The following COL10A1 variants were observed in gnomAD, a reference collection of about 807,000 sequenced individuals.
COL10A1 encodes collagen alpha-1(X) chain.
In COL10A1, 10 loss-of-function variants were observed where a neutral mutation model predicts 18.2. The ratio of observed to expected loss-of-function variants is 0.55; its 90% confidence interval spans 0.34 to 0.93. The LOEUF (loss-of-function observed/expected upper bound fraction) is 0.93. Ranked by LOEUF, COL10A1 falls within the 40% of genes least tolerant of loss-of-function variation. COL10A1 has a pLI of 0.02. For synonymous variants in COL10A1, 330 were observed against 316.6 expected, an observed-to-expected ratio of 1.04 and a Z score of -0.45; for missense variants, 897 against 853.5, an observed-to-expected ratio of 1.05 and a Z score of -0.64.
At chr6:116,178,377 T>G in the COL10A1 span, among the ~76,000 whole-genome samples, 112 of 152,318 alleles carry the variant, frequency 7.4e-4, no homozygotes, top group African/African-American at 2.6e-3. Context: ...GAAGTCAGCC[T>G]TTCTTGATTC....
chr6:116,121,241 G>A lies in COL10A1; in HGVS notation c.875C>T (p.Pro292Leu), dbSNP rs1562124007. 6.2e-7 allele frequency: 1 copy of A among 1,613,782 alleles called. No homozygotes were observed. The highest frequency in any genetic ancestry group is 8.5e-7 in the Non-Finnish European group (1 of 1,179,876). The change falls in exon 3 of 3, where the codon CCC (proline) becomes CTC (leucine). Residue 292 changes from proline (P) to leucine (L), a missense_variant. Physicochemically the swap from Pro to Leu is moderately conservative, Grantham distance 98. Coordinates refer to ENST00000651968, the MANE Select transcript of COL10A1 (RefSeq NM_000493.4). ...GLPGAPGIAG[P>L]PGPPGFGKPG... ...TTTCCCAAAGCCAGGAGGCCCTGGG[G>A]GCCCAGCTATTCCTGGAGCCCCAGG...
chr6:116,137,005 A>C (rs371529630), intron 1 of COL10A1: 55 of 169,536 alleles, frequency 3.2e-4, no homozygotes, highest in African/African-American at 1.3e-3. Flanking sequence ...CAAACACAGG[A>C]AACAAAGCTG....
the COL10A1 span, among the ~76,000 whole-genome samples, chr6:116,183,326 C>T: frequency 6.6e-6 from 1 of 151,928 alleles, no homozygotes; most frequent in African/African-American, 2.4e-5. Context: ...CAGATTTGTT[C>T]TTTTTGCTTA....
At chr6:116,142,711 T>A (rs1236058096) in intron 1 of COL10A1, among the ~76,000 whole-genome samples, 1 of 152,190 alleles carries the variant, frequency 6.6e-6, no homozygotes, top group Non-Finnish European at 1.5e-5. Flanking sequence ...ATATTAATAG[T>A]GTTCTTCCAA....
chr6:116,155,638 A>G (rs992121939), intron 1 of COL10A1, among the ~76,000 whole-genome samples: 1 of 152,072 alleles, frequency 6.6e-6, no homozygotes, highest in Non-Finnish European at 1.5e-5. Flanking sequence ...AGGTTACTCC[A>G]TTACAACATA....
the COL10A1 span, among the ~76,000 whole-genome samples, chr6:116,176,817 A>G: frequency 6.6e-6 from 1 of 152,186 alleles, no homozygotes; most frequent in South Asian, 2.1e-4. Flanking sequence ...CTAGAGGGAC[A>G]GATACATCCC....
At chr6:116,134,219 CAG>C (rs1430168665) in intron 1 of COL10A1, among the ~76,000 whole-genome samples, 1 of 152,158 alleles carries the variant, frequency 6.6e-6, no homozygotes, top group East Asian at 1.9e-4. Flanking sequence ...AAATAATTGT[CAG>C]ACTTTTTCTG....
chr6:116,134,613 G>C (rs974081342), intron 1 of COL10A1, among the ~76,000 whole-genome samples: 1 of 152,136 alleles, frequency 6.6e-6, no homozygotes, highest in African/African-American at 2.4e-5. Flanking sequence ...AGGGCCATTC[G>C]CATGGTGCTG....
the COL10A1 span, among the ~76,000 whole-genome samples, chr6:116,185,949 G>A: frequency 6.6e-6 from 1 of 151,784 alleles, no homozygotes; most frequent in African/African-American, 2.4e-5. Flanking sequence ...TCATTGTATT[G>A]TTGTTTTATA....
the COL10A1 span, among the ~76,000 whole-genome samples, chr6:116,180,050 C>G: frequency 6.6e-6 from 1 of 151,964 alleles, no homozygotes; most frequent in Non-Finnish European, 1.5e-5. Context: ...CCGTGGTGTT[C>G]TCTATAACTG....
the COL10A1 span, among the ~76,000 whole-genome samples, chr6:116,210,042 G>A: frequency 2.6e-5 from 4 of 152,000 alleles, no homozygotes; most frequent in Middle Eastern, 6.8e-3. Context: ...AATATGTGGT[G>A]GCTACTTAAT....
the COL10A1 span, among the ~76,000 whole-genome samples, chr6:116,166,280 A>C: frequency 6.6e-6 from 1 of 152,136 alleles, no homozygotes; most frequent in African/African-American, 2.4e-5. Flanking sequence ...CCATTCATCT[A>C]TGTCTTTGAT....
At chr6:116,176,326 G>A in the COL10A1 span, among the ~76,000 whole-genome samples, 1 of 152,184 alleles carries the variant, frequency 6.6e-6, no homozygotes, top group Non-Finnish European at 1.5e-5. Flanking sequence ...CCTAGCAGAA[G>A]ACTGCTGTTG....
chr6:116,152,949 G>C (rs1187677321), intron 1 of COL10A1, among the ~76,000 whole-genome samples: 2 of 151,998 alleles, frequency 1.3e-5, no homozygotes, highest in East Asian at 1.9e-4. Flanking sequence ...CCATACTGCT[G>C]TCTTATTTTT....
At chr6:116,159,311 C>T (rs2114421751), upstream of COL10A1, among the ~76,000 whole-genome samples, 1 of 152,104 alleles carries the variant, frequency 6.6e-6, no homozygotes, top group South Asian at 2.1e-4. Flanking sequence ...CTTTCTTTTT[C>T]CATAAAGAGA....
At chr6:116,157,123 T>C (rs1780215303) in intron 1 of COL10A1, among the ~76,000 whole-genome samples, 2 of 152,212 alleles carry the variant, frequency 1.3e-5, no homozygotes, top group South Asian at 4.1e-4. Context: ...GGTATGAGAA[T>C]ATGGAAAACA....
chr6:116,147,771 A>G (rs1015782667), intron 1 of COL10A1, among the ~76,000 whole-genome samples: 24 of 152,212 alleles, frequency 1.6e-4, no homozygotes, highest in African/African-American at 5.1e-4. Context: ...ATGTGTGCAA[A>G]TGATGTATAT....
chr6:116,182,827 A>G, the COL10A1 span, among the ~76,000 whole-genome samples: 1 of 150,326 alleles, frequency 6.7e-6, no homozygotes, highest in Non-Finnish European at 1.5e-5. Context: ...TTTTTTCCCC[A>G]CTCTGTGGGT....
At chr6:116,132,045 T>C (rs1245658756) in intron 1 of COL10A1, among the ~76,000 whole-genome samples, 1 of 152,208 alleles carries the variant, frequency 6.6e-6, no homozygotes, top group African/African-American at 2.4e-5. Flanking sequence ...ATGGGGTATA[T>C]GTACCACATT....
Sources: allele counts gnomAD v4.1 joint callset (sites outside exome capture counted in the v4.1 genomes callset), GRCh38; gene constraint gnomAD v4.1.1; transcripts MANE v1.5; gene names NCBI Gene and HGNC (gene_info 2026-07-23, HGNC 2026-07-21).